Variants in NEK10 observed in about 807,000 individuals in gnomAD.
NEK10 encodes NIMA related kinase 10, also known as serine/threonine-protein kinase Nek10.
NEK10 carries 122 observed loss-of-function variants against 159.8 expected under a neutral mutation model. The ratio of observed to expected loss-of-function variants is 0.76; its 90% CI spans 0.66 to 0.89. The LOEUF (loss-of-function observed/expected upper bound fraction) is 0.89. Ranked by LOEUF, NEK10 falls within the 40% of genes least tolerant of loss-of-function variation. The pLI is 0.00. For synonymous variants in NEK10, 466 were observed against 457.1 expected (o/e 1.02, Z -0.25); for missense variants, 1,342 against 1,323.1 (o/e 1.01, Z -0.22).
At chr3:27,254,395 C>T (rs1477832004) in intron 23 of NEK10, among the ~76,000 whole-genome samples, 2 of 152,182 alleles carry the variant, frequency 1.3e-5, no homozygotes, top group African/African-American at 4.8e-5. Context: ...CACTTCACCA[C>T]TCTCCTAATA....
At chr3:27,116,619 A>G (rs1940479438) in intron 33 of NEK10, among the ~76,000 whole-genome samples, 1 of 152,132 alleles carries the variant, frequency 6.6e-6, no homozygotes, top group African/African-American at 2.4e-5. Flanking sequence ...AAATATATTT[A>G]TTGCCAGAAG....
chr3:27,237,564 A>G (rs1271309921), intron 23 of NEK10, among the ~76,000 whole-genome samples: 1 of 152,164 alleles, frequency 6.6e-6, no homozygotes, highest in Non-Finnish European at 1.5e-5. Context: ...TTCCCACAAC[A>G]TCATATGTTC....
chr3:27,109,163 G>C lies in NEK10; in HGVS notation c.*2109C>G, dbSNP rs1939265722. Reference sequence around the variant, plus strand: ...GGAGGCCGAGGCAGGCAGATCACCTGAGGTCAGGAGTTTGAGACCAGCCTG... The same window carrying C: ...GGAGGCCGAGGCAGGCAGATCACCTCAGGTCAGGAGTTTGAGACCAGCCTG... On this transcript the variant is annotated 3_prime_UTR_variant, in exon 36 of 36. Coordinates refer to ENST00000691995, the MANE Select transcript of NEK10 (RefSeq NM_001394966.1). Among the ~76,000 whole-genome samples, 3 of 152,138 alleles carry C rather than the reference G, an allele frequency of 2.0e-5. No individual in the cohort carries two copies. Among genetic ancestry groups the C allele is most frequent in the African/African-American group, 7.2e-5 (3 of 41,404 alleles).
At chr3:27,278,067 T>A (rs1559413653) in intron 22 of NEK10, among the ~76,000 whole-genome samples, 1 of 152,230 alleles carries the variant, frequency 6.6e-6, no homozygotes, top group Non-Finnish European at 1.5e-5. Context: ...TTGTCATGTA[T>A]TCTTCCTTTT....
intron 30 of NEK10, among the ~76,000 whole-genome samples, chr3:27,155,390 T>A (rs1575029481): frequency 6.6e-6 from 1 of 151,902 alleles, no homozygotes; most frequent in East Asian, 1.9e-4. Context: ...TAGTCCCAGC[T>A]ATTAGGGAGG....
chr3:27,203,931 C>T (rs149257009), intron 23 of NEK10, among the ~76,000 whole-genome samples: 282 of 152,212 alleles, frequency 1.9e-3, no homozygotes, highest in African/African-American at 5.1e-3. Flanking sequence ...CTGAGACTTC[C>T]GCAGGGCTCT....
At chr3:27,330,175 C>G (rs1008083779) in intron 5 of NEK10, among the ~76,000 whole-genome samples, 3 of 152,004 alleles carry the variant, frequency 2.0e-5, no homozygotes, top group Non-Finnish European at 4.4e-5. Flanking sequence ...TGTGTGTACA[C>G]ATTTACCTAA....
At chr3:27,266,369 T>C (rs1295683704) in intron 22 of NEK10, among the ~76,000 whole-genome samples, 2 of 152,032 alleles carry the variant, frequency 1.3e-5, no homozygotes, top group Non-Finnish European at 2.9e-5. Flanking sequence ...AGATACAATA[T>C]GTAGGTTGAG....
At chr3:27,177,865 A>G (rs1378708812) in intron 26 of NEK10, among the ~76,000 whole-genome samples, 1 of 152,190 alleles carries the variant, frequency 6.6e-6, no homozygotes. Context: ...TTAACCTATT[A>G]AAGGGATTTA....
intron 30 of NEK10, among the ~76,000 whole-genome samples, chr3:27,144,229 T>G (rs959621460): frequency 7.9e-5 from 12 of 152,216 alleles, no homozygotes; most frequent in African/African-American, 2.9e-4. Context: ...GGAGATGGTT[T>G]ATTATCAACA....
At chr3:27,249,424 T>A (rs1955428492) in intron 23 of NEK10, among the ~76,000 whole-genome samples, 1 of 152,216 alleles carries the variant, frequency 6.6e-6, no homozygotes. Context: ...CATATATATT[T>A]ACAATTGTTA....
intron 26 of NEK10, among the ~76,000 whole-genome samples, chr3:27,184,485 G>C (rs1301092435): frequency 2.0e-5 from 3 of 152,188 alleles, no homozygotes; most frequent in Non-Finnish European, 4.4e-5. Flanking sequence ...TTGGGGTGGA[G>C]GTTACACATG....
chr3:27,212,457 C>A (rs544150740), intron 23 of NEK10, among the ~76,000 whole-genome samples: 2 of 152,154 alleles, frequency 1.3e-5, no homozygotes, highest in Non-Finnish European at 2.9e-5. Flanking sequence ...ACTGAATATG[C>A]GAAAACCAAT....
At chr3:27,276,806 A>T (rs1575558625) in intron 22 of NEK10, among the ~76,000 whole-genome samples, 2 of 152,122 alleles carry the variant, frequency 1.3e-5, no homozygotes, top group Admixed American at 1.3e-4. Flanking sequence ...TCCTTCTGTC[A>T]TTGGAAAAAC....
intron 31 of NEK10, among the ~76,000 whole-genome samples, chr3:27,135,857 G>A (rs1575452085): frequency 6.6e-6 from 1 of 152,054 alleles, no homozygotes; most frequent in African/African-American, 2.4e-5. Context: ...TTAAATCTAG[G>A]TCACCCTTGC....
At chr3:27,338,695 G>A (rs2046988831) in intron 5 of NEK10, among the ~76,000 whole-genome samples, 1 of 152,100 alleles carries the variant, frequency 6.6e-6, no homozygotes, top group African/African-American at 2.4e-5. Context: ...GAGCATTTTT[G>A]CATATGTCTG....
At chr3:27,277,947 T>C (rs1260614911) in intron 22 of NEK10, among the ~76,000 whole-genome samples, 1 of 152,206 alleles carries the variant, frequency 6.6e-6, no homozygotes, top group African/African-American at 2.4e-5. Context: ...ATAATGGACA[T>C]GTAGCATTAG....
chr3:27,212,841 G>A (rs558339532), intron 23 of NEK10, among the ~76,000 whole-genome samples: 27 of 152,298 alleles, frequency 1.8e-4, no homozygotes, highest in Admixed American at 3.9e-4. Flanking sequence ...TAACTTTATC[G>A]TAATTTCCCT....
intron 23 of NEK10, among the ~76,000 whole-genome samples, chr3:27,227,249 A>C (rs1952732663): frequency 1.3e-5 from 2 of 152,196 alleles, no homozygotes; most frequent in Admixed American, 1.3e-4. Context: ...GGAAATGGAC[A>C]GACAGGAGGA....
Sources: allele counts gnomAD v4.1 joint callset (sites outside exome capture counted in the v4.1 genomes callset), GRCh38; gene constraint gnomAD v4.1.1; transcripts MANE v1.5; gene names NCBI Gene and HGNC (gene_info 2026-07-23, HGNC 2026-07-21).